The following ARHGEF6 variants were observed in gnomAD, a reference collection of about 807,000 sequenced individuals.
The protein encoded by ARHGEF6 is Rac/Cdc42 guanine nucleotide exchange factor 6.
In ARHGEF6, 9 loss-of-function variants were observed where a neutral mutation model predicts 70.3. That is an observed-to-expected ratio of 0.13 (90% CI 0.08 to 0.22). ARHGEF6 has a LOEUF of 0.22. Ranked by LOEUF, ARHGEF6 falls within the 10% of genes least tolerant of loss-of-function variation. ARHGEF6 has a pLI of 1.00. For missense variants in ARHGEF6, 470 were observed against 563.0 expected (o/e 0.83, Z 1.67); for synonymous variants, 201 against 207.8 (o/e 0.97, Z 0.28).
chrX:136,686,645 C>CAT (rs2076398825), intron 11 of ARHGEF6, among the ~76,000 whole-genome samples: 5 of 66,782 alleles, frequency 7.5e-5, no homozygotes, highest in African/African-American at 3.4e-4. Flanking sequence ...TATATATACA[C>CAT]ACATATATAT....
At chrX:136,723,495 T>C (rs1023859103) in intron 6 of ARHGEF6, among the ~76,000 whole-genome samples, 3 of 112,072 alleles carry the variant, frequency 2.7e-5, no homozygotes, top group Non-Finnish European at 5.6e-5. Flanking sequence ...CCTCAAGTAA[T>C]CACTTATACT....
At chrX:136,722,114 G>A (rs1233172534) in intron 6 of ARHGEF6, among the ~76,000 whole-genome samples, 1 of 108,966 alleles carries the variant, frequency 9.2e-6, no homozygotes, top group African/African-American at 3.3e-5. Context: ...TTCAACAAAT[G>A]GTGCTGAGAA....
intron 9 of ARHGEF6, 25 bp from the exon 10 acceptor site, chrX:136,690,773 T>G (rs775410259): frequency 8.4e-6 from 10 of 1,193,830 alleles, no homozygotes; most frequent in Non-Finnish European, 1.1e-5. Context: ...AATATAATTT[T>G]GTTACTGTTG....
At chrX:136,695,704 T>A (rs2076502510) in intron 9 of ARHGEF6, among the ~76,000 whole-genome samples, 1 of 112,516 alleles carries the variant, frequency 8.9e-6, no homozygotes, top group Non-Finnish European at 1.9e-5. Context: ...AGGAAAAAAG[T>A]CTGTGAATCA....
chrX:136,686,679 C>CAT (rs2076401361), intron 11 of ARHGEF6, among the ~76,000 whole-genome samples: 2 of 54,699 alleles, frequency 3.7e-5, no homozygotes, highest in African/African-American at 1.5e-4. Context: ...TATATATATA[C>CAT]ACATATATAT....
chrX:136,695,521 G>C (rs1231848590), intron 9 of ARHGEF6, among the ~76,000 whole-genome samples: 2 of 112,321 alleles, frequency 1.8e-5, no homozygotes, highest in Non-Finnish European at 3.8e-5. Flanking sequence ...AACACATAGA[G>C]TTACAATGGA....
intron 5 of ARHGEF6, among the ~76,000 whole-genome samples, chrX:136,739,726 T>G (rs979618360): frequency 7.2e-5 from 8 of 111,564 alleles, no homozygotes; most frequent in Non-Finnish European, 1.3e-4. Context: ...GGCCCTCCTG[T>G]GAAGTAGGCA....
At chrX:136,743,117 G>A (rs954775976) in intron 5 of ARHGEF6, among the ~76,000 whole-genome samples, 6 of 112,101 alleles carry the variant, frequency 5.4e-5, no homozygotes, top group African/African-American at 9.7e-5. Flanking sequence ...GCATCAAAGC[G>A]GCCAGACAGC....
At position 136,708,838 on chromosome X, in the gene ARHGEF6, T is replaced by C. The variant is rs140862299; in HGVS notation, c.828-68A>G. 6.8e-5 allele frequency: 57 copies of C among 842,725 alleles called. 1 individual carries two copies. The highest frequency in any genetic ancestry group is 6.1e-4 in the South Asian group (29 of 47,549). 69.4% of individuals were successfully genotyped at this position (842,725 alleles called of 1,213,427 possible). A position where few individuals can be genotyped will look rare whatever the true frequency, so the allele number is the denominator to read the frequency against. ...AGTTGGCTAATAGTTTGCTAATATA[T>C]GGTAAATAAAAGGGAGGTAATACCT... On this transcript the variant is annotated intron_variant, in intron 7 of 21. Coordinates refer to ENST00000250617, the MANE Select transcript of ARHGEF6 (RefSeq NM_004840.3).
chrX:136,747,411 C>T (rs1416465255), intron 3 of ARHGEF6, 97 bp downstream of exon 3: 7 of 807,934 alleles, frequency 8.7e-6, no homozygotes, highest in Admixed American at 2.3e-5. Context: ...ATTTGCATCA[C>T]GAGAACAATC....
chrX:136,724,017 C>T (rs1004244569), intron 6 of ARHGEF6, among the ~76,000 whole-genome samples: 1 of 110,062 alleles, frequency 9.1e-6, no homozygotes, highest in South Asian at 3.8e-4. Flanking sequence ...CTTTTATATT[C>T]GGGAGGGAAT....
At chrX:136,752,047 T>C (rs5974625) in intron 2 of ARHGEF6, among the ~76,000 whole-genome samples, 1,600 of 111,494 alleles carry the variant, frequency 0.014, 31 homozygotes, top group African/African-American at 0.05. Flanking sequence ...GCCCTGCATG[T>C]ACACCTTATG....
rs772756893 is a variant in ARHGEF6 at position 136,708,705 on chromosome X, G to A, written c.893C>T (p.Thr298Ile). The stretch of plus-strand genomic sequence containing the variant: ...ACATTCTTCCAAGGCTTGGCAGAGT[G>A]TCTGTTGAAATGTGCATACTTCCTC... ...NFEEVCTFQQ[T>I]LCQALEECSK... Residue 298 changes from threonine to isoleucine, a missense_variant, in exon 8 of 22, where the codon ACA becomes ATA. This residue lies in a region of ARHGEF6 where 379 missense variants were observed against 449.3 expected (regional missense o/e 0.84). Coordinates refer to ENST00000250617, the MANE Select transcript of ARHGEF6 (RefSeq NM_004840.3). The A allele has an allele frequency of 9.1e-6, 11 of 1,204,933 alleles. No homozygotes were observed. In the African/African-American group the frequency reaches 1.8e-4, roughly 19 times the overall value.
At chrX:136,765,174 T>C (rs1297367779) in intron 2 of ARHGEF6, among the ~76,000 whole-genome samples, 2 of 111,667 alleles carry the variant, frequency 1.8e-5, no homozygotes, top group African/African-American at 6.5e-5. Context: ...GGGCTAAATA[T>C]GATAATAGAT....
intron 2 of ARHGEF6, among the ~76,000 whole-genome samples, chrX:136,761,041 G>C (rs1416367486): frequency 8.9e-6 from 1 of 111,973 alleles, no homozygotes; most frequent in Admixed American, 9.5e-5. Flanking sequence ...TCTATTATTA[G>C]AACACAAAAT....
chrX:136,706,839 G>A (rs1481049820), intron 9 of ARHGEF6, 69 bp downstream of exon 9: 2 of 1,177,133 alleles, frequency 1.7e-6, no homozygotes, highest in East Asian at 3.0e-5. Context: ...TGAAGACCTT[G>A]GATTTCCAAA....
chrX:136,736,621 G>GTGTA (rs61479965), intron 5 of ARHGEF6, among the ~76,000 whole-genome samples: 204 of 100,928 alleles, frequency 2.0e-3, no homozygotes, highest in South Asian at 5.0e-3. Flanking sequence ...AAAAAGAGGT[G>GTGTA]TGTGTGTGTG....
At chrX:136,774,829 C>T (rs1405017222) in intron 2 of ARHGEF6, among the ~76,000 whole-genome samples, 1 of 109,171 alleles carries the variant, frequency 9.2e-6, no homozygotes, top group Non-Finnish European at 1.9e-5. Flanking sequence ...AAGTCACACA[C>T]ACAGACCCAC....
rs755860146 is a variant in ARHGEF6, at chrX:136,754,218, AG to A, written c.250-6627del. Among the ~76,000 whole-genome samples the A allele has an allele frequency of 4.5e-5, 5 of 111,519 alleles. No homozygotes were observed. The South Asian group carries it at 1.9e-3, about 42-fold the overall frequency. On this transcript the variant is annotated intron_variant, in intron 2 of 21. Coordinates refer to ENST00000250617, the MANE Select transcript of ARHGEF6 (RefSeq NM_004840.3). ...GTTGAGTATTAAGTGTTCAGGTAAG[AG>A]GGGAATGAATGAAGAACAATATAGG...
Sources: allele counts gnomAD v4.1 joint callset (sites outside exome capture counted in the v4.1 genomes callset), GRCh38; gene constraint gnomAD v4.1.1; regional missense constraint gnomAD v4.1.1; transcripts MANE v1.5; gene names NCBI Gene and HGNC (gene_info 2026-07-23, HGNC 2026-07-21).